Variants in FRMD5 observed in about 807,000 individuals in gnomAD.
FRMD5 encodes the protein FERM domain-containing protein 5.
A neutral mutation model predicts 69.0 loss-of-function variants in FRMD5; 20 were observed. The ratio of observed to expected loss-of-function variants is 0.29; its 90% CI spans 0.20 to 0.42. The LOEUF is 0.42. Among genes scored for constraint, FRMD5 ranks in the 10% least tolerant of loss-of-function variants. The probability of loss-of-function intolerance (pLI) is 1.00; values close to 1 mark genes in which losing one functional copy is unlikely to be tolerated. For missense variants in FRMD5, 595 were observed against 708.6 expected (o/e 0.84, Z 1.82); for synonymous variants, 271 against 260.1 (o/e 1.04, Z -0.40).
At chr15:44,175,859 G>A (rs2077885421) in intron 1 of FRMD5, among the ~76,000 whole-genome samples, 1 of 151,960 alleles carries the variant, frequency 6.6e-6, no homozygotes, top group Non-Finnish European at 1.5e-5. Context: ...AAACCACAAA[G>A]CATTTTTTTA....
chr15:43,937,246 T>G (rs978309326), intron 1 of FRMD5, among the ~76,000 whole-genome samples: 2 of 151,982 alleles, frequency 1.3e-5, no homozygotes, highest in Non-Finnish European at 2.9e-5. Context: ...GATCAATGGG[T>G]GATAAATGAT....
At chr15:43,893,402 G>A (rs1337593234) in intron 7 of FRMD5, among the ~76,000 whole-genome samples, 2 of 152,138 alleles carry the variant, frequency 1.3e-5, no homozygotes, top group Non-Finnish European at 2.9e-5. Context: ...AGTGGGGAGC[G>A]GGCGGAGCAG....
intron 1 of FRMD5, among the ~76,000 whole-genome samples, chr15:43,949,165 C>T (rs566372179): frequency 6.6e-6 from 1 of 152,110 alleles, no homozygotes; most frequent in Non-Finnish European, 1.5e-5. Context: ...CCCAAACTTA[C>T]CACTTTGGTG....
Position 44,087,563 on chromosome 15 carries a change from T to G in FRMD5, c.102+107390A>C, listed in dbSNP as rs558341823. Among the ~76,000 whole-genome samples the G allele has an allele frequency of 2.6e-5, 4 of 152,302 alleles. No homozygotes were observed. The East Asian group carries it at 7.7e-4, about 29-fold the overall frequency. The stretch of plus-strand genomic sequence containing the variant: ...CCACCACATACTACCTGCCTGAACC[T>G]GTGCAAGTTACTTTTCCTCAATGTC... On this transcript the variant is annotated intron_variant, in intron 1 of 13. Coordinates refer to ENST00000417257, the MANE Select transcript of FRMD5 (RefSeq NM_032892.5).
chr15:43,974,897 G>A (rs1214114756), intron 1 of FRMD5, among the ~76,000 whole-genome samples: 3 of 152,144 alleles, frequency 2.0e-5, no homozygotes, highest in African/African-American at 7.2e-5. Context: ...ACACTGACTG[G>A]GGCTCTTGTG....
At chr15:44,060,332 G>A (rs1428409526) in intron 1 of FRMD5, among the ~76,000 whole-genome samples, 1 of 152,162 alleles carries the variant, frequency 6.6e-6, no homozygotes, top group East Asian at 1.9e-4. Context: ...ATACCCAGAA[G>A]CGTGAAAACC....
In FRMD5 at chr15:43,872,048, A is replaced by G. The variant is rs1215486571; in HGVS notation, c.*1837T>C. The G allele has an allele frequency of 6.6e-6, 1 of 152,242 alleles. No individual in the cohort carries two copies. The highest frequency in any genetic ancestry group is 1.5e-5 in the Non-Finnish European group (1 of 68,048). The allele number at this position is 152,242 out of a possible 1,614,324, so 9.4% of individuals were successfully genotyped here. A position where few individuals can be genotyped will look rare whatever the true frequency, so the allele number is the denominator to read the frequency against. On this transcript the variant is annotated 3_prime_UTR_variant, in exon 14 of 14. Coordinates refer to ENST00000417257, the MANE Select transcript of FRMD5 (RefSeq NM_032892.5). ...CATAAAGTTTTATTGGAACACAGCC[A>G]TGTTCCTTCATTTACAAATTATCTG...
intron 2 of FRMD5, among the ~76,000 whole-genome samples, chr15:43,920,568 C>T (rs977128515): frequency 6.6e-6 from 1 of 152,134 alleles, no homozygotes; most frequent in Non-Finnish European, 1.5e-5. Context: ...TATATGTGTT[C>T]CTTAATTCTA....
At chr15:44,173,705 G>T (rs1447814086) in intron 1 of FRMD5, among the ~76,000 whole-genome samples, 1 of 151,854 alleles carries the variant, frequency 6.6e-6, no homozygotes, top group Admixed American at 6.6e-5. Context: ...GTAGAGACAG[G>T]GTTTCACCAT....
At chr15:44,117,991 C>CTTTTTTTTT (rs747747488) in intron 1 of FRMD5, among the ~76,000 whole-genome samples, 27 of 92,600 alleles carry the variant, frequency 2.9e-4, no homozygotes, top group South Asian at 1.1e-3. Context: ...TTCTTTTTTA[C>CTTTTTTTTT]TTTTTTTTTT....
chr15:44,017,932 G>A (rs1891045103), intron 1 of FRMD5, among the ~76,000 whole-genome samples: 1 of 152,098 alleles, frequency 6.6e-6, no homozygotes. Flanking sequence ...AAACCCTGCT[G>A]CAGTCCCACT....
intron 1 of FRMD5, among the ~76,000 whole-genome samples, chr15:44,000,132 T>C (rs1440629527): frequency 6.6e-6 from 1 of 151,538 alleles, no homozygotes; most frequent in African/African-American, 2.4e-5. Context: ...GCTAGGACTA[T>C]AGGCATGCAC....
chr15:44,008,562 G>T (rs375725575), intron 1 of FRMD5, among the ~76,000 whole-genome samples: 1 of 151,366 alleles, frequency 6.6e-6, no homozygotes, highest in African/African-American at 2.4e-5. Context: ...CACCGCGCCC[G>T]GCCACAGGCT....
chr15:43,874,557 C>T, intron 13 of FRMD5, 95 bp from the exon 14 acceptor site: 1 of 854,866 alleles, frequency 1.2e-6, no homozygotes, highest in Non-Finnish European at 1.9e-6. Context: ...CCATTCTGCA[C>T]ACCCACATGA....
chr15:43,907,904 G>C (rs536089120), intron 5 of FRMD5, among the ~76,000 whole-genome samples: 1 of 152,286 alleles, frequency 6.6e-6, no homozygotes, highest in East Asian at 1.9e-4. Flanking sequence ...GCCTTCCAAA[G>C]TGCTGGGATA....
intron 1 of FRMD5, among the ~76,000 whole-genome samples, chr15:44,132,905 A>T (rs1306839613): frequency 2.6e-5 from 4 of 151,798 alleles, no homozygotes; most frequent in Admixed American, 2.6e-4. Context: ...TGGGACTACA[A>T]GTGCTTGCCA....
chr15:44,040,514 T>C (rs760098952), intron 1 of FRMD5, among the ~76,000 whole-genome samples: 2 of 152,114 alleles, frequency 1.3e-5, no homozygotes, highest in South Asian at 2.1e-4. Context: ...CAATATTCAA[T>C]GTTCTTAAAG....
At chr15:44,114,648 G>A (rs2076843771) in intron 1 of FRMD5, among the ~76,000 whole-genome samples, 1 of 152,148 alleles carries the variant, frequency 6.6e-6, no homozygotes, top group African/African-American at 2.4e-5. Flanking sequence ...TAATGCCAAT[G>A]TGAAAGAATA....
chr15:44,066,223 A>T (rs1035441085), intron 1 of FRMD5, among the ~76,000 whole-genome samples: 1 of 152,160 alleles, frequency 6.6e-6, no homozygotes, highest in African/African-American at 2.4e-5. Context: ...GAAATACTCA[A>T]TTCAATAAAT....
Sources: allele counts gnomAD v4.1 joint callset (sites outside exome capture counted in the v4.1 genomes callset), GRCh38; gene constraint gnomAD v4.1.1; transcripts MANE v1.5; gene names NCBI Gene and HGNC (gene_info 2026-07-23, HGNC 2026-07-21).